Variants in TRIO observed in about 807,000 individuals in gnomAD.
TRIO encodes the protein triple functional domain protein.
A neutral mutation model predicts 351.9 loss-of-function variants in TRIO; 58 were observed. The observed-to-expected ratio is 0.16, with a 90% CI of 0.13 to 0.21. The LOEUF (loss-of-function observed/expected upper bound fraction) is 0.21, where lower values mean the gene tolerates loss of function less well. TRIO is among the 10% of genes least tolerant of loss of function. TRIO has a pLI of 1.00. For missense variants in TRIO, 3,201 were observed against 4,027.8 expected, an observed-to-expected ratio of 0.79 and a Z score of 5.56; for synonymous variants, 1,758 against 1,595.7, an observed-to-expected ratio of 1.10 and a Z score of -2.42.
intron 9 of TRIO, among the ~76,000 whole-genome samples, chr5:14,326,527 A>C (rs961259763): frequency 2.0e-5 from 3 of 152,142 alleles, no homozygotes; most frequent in Admixed American, 6.5e-5. Context: ...AACAGAGAGG[A>C]AGGTGGTGGT....
At chr5:14,396,224 A>G (rs1441004436) in intron 28 of TRIO, among the ~76,000 whole-genome samples, 1 of 151,810 alleles carries the variant, frequency 6.6e-6, no homozygotes, top group East Asian at 1.9e-4. Context: ...CATCCTACGC[A>G]AAAAGGAAAT....
intron 1 of TRIO, among the ~76,000 whole-genome samples, chr5:14,171,011 G>GT (rs1185046616): frequency 6.6e-6 from 1 of 152,082 alleles, no homozygotes; most frequent in African/African-American, 2.4e-5. Context: ...ACTTGACTCT[G>GT]TTTTAGCATT....
chr5:14,492,483 G>A, intron 48 of TRIO, 84 bp from the exon 49 acceptor site: 1 of 1,561,928 alleles, frequency 6.4e-7, no homozygotes, highest in Non-Finnish European at 8.7e-7. Context: ...GGTGCCATGG[G>A]GCACACTGAC....
At chr5:14,247,258 C>A (rs1733396563) in intron 1 of TRIO, among the ~76,000 whole-genome samples, 1 of 152,248 alleles carries the variant, frequency 6.6e-6, no homozygotes, top group South Asian at 2.1e-4. Context: ...GTCACTGTCA[C>A]AACTGGGTAT....
At chr5:14,185,694 C>T (rs1271848542) in intron 1 of TRIO, among the ~76,000 whole-genome samples, 3 of 152,302 alleles carry the variant, frequency 2.0e-5, no homozygotes, top group East Asian at 3.9e-4. Flanking sequence ...TTGCTAGGAA[C>T]GTGGTGGGTG....
At chr5:14,411,991 C>CTTTT (rs112955087) in intron 33 of TRIO, among the ~76,000 whole-genome samples, 2 of 138,054 alleles carry the variant, frequency 1.4e-5, no homozygotes, top group Admixed American at 7.2e-5. Context: ...TTCTTTCTTT[C>CTTTT]TTTTTTTTTT....
chr5:14,428,823 G>C (rs1474662271), intron 34 of TRIO, among the ~76,000 whole-genome samples: 1 of 152,166 alleles, frequency 6.6e-6, no homozygotes, highest in African/African-American at 2.4e-5. Flanking sequence ...TAGTGTTTAG[G>C]GAAAGCAGTA....
At chr5:14,156,966 A>G (rs1788136558) in intron 1 of TRIO, among the ~76,000 whole-genome samples, 1 of 152,248 alleles carries the variant, frequency 6.6e-6, no homozygotes, top group African/African-American at 2.4e-5. Context: ...AGTTTATAAA[A>G]AGGACACCTG....
chr5:14,448,701 T>G (rs927630508), intron 34 of TRIO, among the ~76,000 whole-genome samples: 2 of 152,114 alleles, frequency 1.3e-5, no homozygotes, highest in Non-Finnish European at 2.9e-5. Flanking sequence ...GGCATGGATG[T>G]CTTCAGCTGG....
chr5:14,406,079 C>T, intron 32 of TRIO, 89 bp downstream of exon 32: 1 of 1,520,492 alleles, frequency 6.6e-7, no homozygotes, highest in Non-Finnish European at 8.9e-7. Flanking sequence ...AATCCTTTCT[C>T]TCAAACATTT....
chr5:14,306,146 G>A (rs1738352859), intron 8 of TRIO, among the ~76,000 whole-genome samples: 1 of 146,310 alleles, frequency 6.8e-6, no homozygotes, highest in Admixed American at 6.7e-5. Flanking sequence ...AATGTGGGCA[G>A]TCCTTCTCTT....
intron 41 of TRIO, 63 bp downstream of exon 41, chr5:14,477,026 C>A: frequency 6.9e-7 from 1 of 1,451,050 alleles, no homozygotes; most frequent in Non-Finnish European, 9.6e-7. Context: ...ACTGGTTTGT[C>A]AGATTAAAGG....
intron 38 of TRIO, among the ~76,000 whole-genome samples, chr5:14,471,702 A>G (rs994988050): frequency 2.0e-5 from 3 of 152,234 alleles, no homozygotes; most frequent in African/African-American, 7.2e-5. Context: ...ATGATGCAAG[A>G]CAAAAATGTC....
At chr5:14,221,237 T>G (rs112461207) in intron 1 of TRIO, among the ~76,000 whole-genome samples, 2 of 152,120 alleles carry the variant, frequency 1.3e-5, no homozygotes, top group African/African-American at 4.8e-5. Context: ...GATTTTTTTT[T>G]CCCAAAATAC....
intron 49 of TRIO, 37 bp from the exon 50 acceptor site, chr5:14,496,841 GA>G: frequency 6.2e-7 from 1 of 1,603,522 alleles, no homozygotes; most frequent in Non-Finnish European, 8.5e-7. Context: ...GTGAATGTTG[GA>G]AAGGCATAAT....
At chr5:14,390,783 G>A in intron 26 of TRIO, 118 bp from the exon 27 acceptor site, 1 of 758,846 alleles carries the variant, frequency 1.3e-6, no homozygotes. Flanking sequence ...TTAAAATAGA[G>A]TCTCTTCAAC....
At chr5:14,200,723 G>C (rs1328189413) in intron 1 of TRIO, among the ~76,000 whole-genome samples, 1 of 152,094 alleles carries the variant, frequency 6.6e-6, no homozygotes, top group Non-Finnish European at 1.5e-5. Context: ...TTGGTTCGTA[G>C]TGCAGAATAA....
Position 14,363,803 on chromosome 5 carries a change from C to A in TRIO, c.2463C>A (p.Leu821=), listed in dbSNP as rs1431700996. ...TGAATGACTTCGACACAGAAGATCTCACGATTGCAGAGCAGCGCCTCCAGC... is the reference window on the plus strand; with the variant it reads ...TGAATGACTTCGACACAGAAGATCTAACGATTGCAGAGCAGCGCCTCCAGC... ...QQMNDFDTED[L]TIAEQRLQHH... Residue 821 remains leucine (L), a synonymous_variant, in exon 14 of 57, where the codon CTC becomes CTA. Coordinates refer to ENST00000344204, the MANE Select transcript of TRIO (RefSeq NM_007118.4). 1 of 1,614,230 alleles carries A rather than the reference C, an allele frequency of 6.2e-7. No homozygotes were observed. Among genetic ancestry groups the A allele is most frequent in the Admixed American group, 1.7e-5 (1 of 60,026 alleles).
intron 1 of TRIO, among the ~76,000 whole-genome samples, chr5:14,231,054 A>G (rs1370513220): frequency 1.3e-5 from 2 of 152,246 alleles, no homozygotes; most frequent in East Asian, 1.9e-4. Flanking sequence ...TAGACATTAC[A>G]AAGACAGGAA....
Sources: allele counts gnomAD v4.1 joint callset (sites outside exome capture counted in the v4.1 genomes callset), GRCh38; gene constraint gnomAD v4.1.1; transcripts MANE v1.5; gene names NCBI Gene and HGNC (gene_info 2026-07-23, HGNC 2026-07-21).